Variants in ANO3 observed in about 807,000 individuals in gnomAD.
ANO3 encodes anoctamin 3, also known as anoctamin-3.
In ANO3, 99 loss-of-function variants were observed where a neutral mutation model predicts 144.8. The ratio of observed to expected loss-of-function variants is 0.68; its 90% CI spans 0.58 to 0.81. The LOEUF is 0.81. ANO3 is among the 30% of genes least tolerant of loss of function. The pLI, the probability that ANO3 is intolerant of heterozygous loss-of-function variation, is 0.00. For missense variants in ANO3, 905 were observed against 1,202.2 expected (o/e 0.75, Z 3.66); for synonymous variants, 414 against 392.6 (o/e 1.05, Z -0.64).
intron 1 of ANO3, among the ~76,000 whole-genome samples, chr11:26,200,277 T>C (rs528911078): frequency 5.3e-5 from 8 of 152,288 alleles, no homozygotes; most frequent in African/African-American, 1.9e-4. Context: ...CATGTAGCTA[T>C]TTGTAGTTTG....
Position 26,660,375 on chromosome 11 carries a change from G to A in ANO3, c.2877G>A (p.Glu959=), listed in dbSNP as rs778634488. Reference sequence around the variant, plus strand: ...ACTTAGTTCAAGAAATGATGTATGAGGCTGAACTGGAACATTTGCAACAAC... The same window carrying A: ...ACTTAGTTCAAGAAATGATGTATGAAGCTGAACTGGAACATTTGCAACAAC... ...EKYLVQEMMY[E]AELEHLQQQR... The change falls in exon 27 of 27, where the codon GAG becomes GAA. Residue 959 remains glutamate (E), a synonymous_variant. Coordinates refer to ENST00000256737, the MANE Select transcript of ANO3 (RefSeq NM_031418.4). 3 of 1,612,994 alleles carry A rather than the reference G, an allele frequency of 1.9e-6. No homozygotes were observed. The highest frequency in any genetic ancestry group is 3.3e-5 in the Admixed American group (2 of 59,852).
At chr11:26,452,058 A>G (rs1221591543) in intron 3 of ANO3, among the ~76,000 whole-genome samples, 1 of 152,204 alleles carries the variant, frequency 6.6e-6, no homozygotes, top group Admixed American at 6.5e-5. Flanking sequence ...AACAAAAAGG[A>G]CATCCACACC....
chr11:26,465,533 CCT>C (rs1411075670), intron 4 of ANO3, among the ~76,000 whole-genome samples: 1 of 151,692 alleles, frequency 6.6e-6, no homozygotes, highest in Non-Finnish European at 1.5e-5. Context: ...GAAAGTAACT[CCT>C]AATACAAACT....
intron 1 of ANO3, among the ~76,000 whole-genome samples, chr11:26,258,851 T>A (rs1853118054): frequency 6.6e-6 from 1 of 152,170 alleles, no homozygotes; most frequent in African/African-American, 2.4e-5. Context: ...TTTTATGGAA[T>A]GAGAAATGGT....
chr11:26,483,309 C>A (rs544301590), intron 4 of ANO3, among the ~76,000 whole-genome samples: 19 of 152,106 alleles, frequency 1.2e-4, no homozygotes, highest in African/African-American at 4.1e-4. Flanking sequence ...TTTTAATTTG[C>A]ATTTTTCTGA....
intron 1 of ANO3, among the ~76,000 whole-genome samples, chr11:26,194,663 G>A (rs985278885): frequency 2.0e-5 from 3 of 151,974 alleles, no homozygotes; most frequent in Non-Finnish European, 4.4e-5. Flanking sequence ...ACTACGCTGG[G>A]CTAATTTTGT....
intron 14 of ANO3, among the ~76,000 whole-genome samples, chr11:26,587,275 CT>C (rs1851312723): frequency 6.6e-6 from 1 of 152,142 alleles, no homozygotes; most frequent in African/African-American, 2.4e-5. Flanking sequence ...TTGGGTGTGT[CT>C]AGATGAACTA....
intron 17 of ANO3, among the ~76,000 whole-genome samples, chr11:26,621,256 C>T (rs1011537732): frequency 7.9e-5 from 12 of 152,084 alleles, no homozygotes; most frequent in African/African-American, 2.7e-4. Context: ...AAATGCTTAC[C>T]ATGGCCTACT....
intron 18 of ANO3, among the ~76,000 whole-genome samples, chr11:26,628,440 T>G (rs1206840213): frequency 1.3e-5 from 2 of 152,224 alleles, no homozygotes; most frequent in Admixed American, 6.5e-5. Context: ...AAGTAAGAGA[T>G]ATTTTGGCCA....
At chr11:26,379,472 T>C (rs1487050283) in intron 1 of ANO3, among the ~76,000 whole-genome samples, 1 of 151,926 alleles carries the variant, frequency 6.6e-6, no homozygotes, top group Admixed American at 6.6e-5. Context: ...TGTGGCTTGG[T>C]GTAACATTGG....
chr11:26,577,350 G>A (rs1315476908), intron 14 of ANO3, among the ~76,000 whole-genome samples: 4 of 151,872 alleles, frequency 2.6e-5, no homozygotes. Context: ...GATCACCTGA[G>A]GTTAAAGACC....
At chr11:26,453,699 C>G (rs534546757) in intron 3 of ANO3, among the ~76,000 whole-genome samples, 2 of 152,146 alleles carry the variant, frequency 1.3e-5, no homozygotes, top group South Asian at 2.1e-4. Context: ...AGGATACCCA[C>G]AAATTGAACT....
chr11:26,572,926 T>A (rs1297346843), intron 14 of ANO3, among the ~76,000 whole-genome samples: 1 of 152,150 alleles, frequency 6.6e-6, no homozygotes, highest in Non-Finnish European at 1.5e-5. Flanking sequence ...CTTTAGAAGC[T>A]GGAGAATTTC....
intron 3 of ANO3, among the ~76,000 whole-genome samples, chr11:26,456,987 A>T (rs975208953): frequency 4.6e-5 from 7 of 150,806 alleles, no homozygotes; most frequent in African/African-American, 1.5e-4. Flanking sequence ...AAAAATCCAA[A>T]CACCACATAT....
chr11:26,658,834 T>C (rs1247143835), intron 26 of ANO3, among the ~76,000 whole-genome samples: 1 of 152,182 alleles, frequency 6.6e-6, no homozygotes, highest in African/African-American at 2.4e-5. Flanking sequence ...CAGTACAGTC[T>C]CTTGGGACAC....
chr11:26,224,250 C>T (rs1254827337), intron 1 of ANO3, among the ~76,000 whole-genome samples: 2 of 152,200 alleles, frequency 1.3e-5, no homozygotes, highest in Non-Finnish European at 2.9e-5. Flanking sequence ...TGACTGGATG[C>T]ACAGGGCCAA....
rs554858043 is a variant in ANO3, at chr11:26,543,513, G to T, written c.1154+1445G>T. On this transcript the variant is annotated intron_variant, in intron 11 of 26. Coordinates refer to ENST00000256737, the MANE Select transcript of ANO3 (RefSeq NM_031418.4). ...TAGGGTACATGTGCACAACGTGCAGGTTTGTTACATATGTATACATGTGCC... is the reference window on the plus strand; with the variant it reads ...TAGGGTACATGTGCACAACGTGCAGTTTTGTTACATATGTATACATGTGCC... Among the ~76,000 whole-genome samples the T allele has an allele frequency of 2.6e-5, 4 of 152,088 alleles. No homozygotes were observed. In the East Asian group the frequency reaches 7.8e-4, roughly 30 times the overall value.
At chr11:26,612,554 T>C (rs1279297202) in intron 17 of ANO3, among the ~76,000 whole-genome samples, 1 of 151,172 alleles carries the variant, frequency 6.6e-6, no homozygotes, top group Admixed American at 6.6e-5. Context: ...TTTCAATAGA[T>C]TATTCTCAGT....
chr11:26,296,125 T>G (rs1188042404), intron 1 of ANO3, among the ~76,000 whole-genome samples: 2 of 152,246 alleles, frequency 1.3e-5, no homozygotes, highest in Non-Finnish European at 2.9e-5. Flanking sequence ...AAATTGGCAG[T>G]GGACAGTAAG....
Sources: gnomAD v4.1 joint callset for allele counts (sites outside exome capture counted in the v4.1 genomes callset) on GRCh38, gnomAD v4.1.1 for gene constraint, MANE v1.5 for transcripts, NCBI Gene and HGNC (gene_info 2026-07-23, HGNC 2026-07-21) for gene names.